Variants in EPHA3 observed in about 807,000 individuals in gnomAD.
EPHA3 encodes ephrin type-A receptor 3.
EPHA3 carries 42 observed loss-of-function variants against 107.1 expected under a neutral mutation model. The observed-to-expected ratio is 0.39, with a 90% CI of 0.31 to 0.51. EPHA3 has a LOEUF of 0.51. Ranked by LOEUF, EPHA3 falls within the 20% of genes least tolerant of loss-of-function variation. The probability of loss-of-function intolerance (pLI) is 0.78; values close to 1 mark genes in which losing one functional copy is unlikely to be tolerated. For synonymous variants in EPHA3, 461 were observed against 424.8 expected, an observed-to-expected ratio of 1.09 and a Z score of -1.05; for missense variants, 1,183 against 1,211.2, an observed-to-expected ratio of 0.98 and a Z score of 0.35.
At chr3:89,262,761 C>G (rs915078531) in intron 3 of EPHA3, among the ~76,000 whole-genome samples, 1 of 152,046 alleles carries the variant, frequency 6.6e-6, no homozygotes, top group Non-Finnish European at 1.5e-5. Context: ...CTGGCTGTTT[C>G]GGTGCCTGCA....
intron 2 of EPHA3, among the ~76,000 whole-genome samples, chr3:89,166,085 G>A (rs1464176350): frequency 1.3e-5 from 2 of 152,072 alleles, no homozygotes; most frequent in African/African-American, 4.8e-5. Flanking sequence ...CCAGATTCCC[G>A]GCTCTTCACT....
At chr3:89,398,259 T>C (rs1252817380) in intron 6 of EPHA3, among the ~76,000 whole-genome samples, 1 of 152,198 alleles carries the variant, frequency 6.6e-6, no homozygotes, top group African/African-American at 2.4e-5. Flanking sequence ...AGGGACATTG[T>C]ACCATTGCTT....
Position 89,481,898 on chromosome 3 carries a change from C to T in EPHA3, c.*2396C>T, listed in dbSNP as rs189642147. ...TGTTTTGTATCTTAAATTTGATTTACATATATTATTTATTTCTGGTAACTC... is the reference window on the plus strand; with the variant it reads ...TGTTTTGTATCTTAAATTTGATTTATATATATTATTTATTTCTGGTAACTC... On this transcript the variant is annotated 3_prime_UTR_variant, in exon 17 of 17. Transcript: ENST00000336596. 8.7e-6 allele frequency: 2 copies of T among 228,808 alleles called. No homozygotes were observed. The highest frequency in any genetic ancestry group is 1.7e-5 in the Non-Finnish European group (2 of 115,032). 14.2% of individuals were successfully genotyped at this position (228,808 alleles called of 1,614,324 possible).
intron 3 of EPHA3, among the ~76,000 whole-genome samples, chr3:89,322,187 C>T (rs936327688): frequency 2.0e-5 from 3 of 151,800 alleles, no homozygotes; most frequent in Non-Finnish European, 1.5e-5. Context: ...AGAGAGTTTC[C>T]TATTTGGCAC....
chr3:89,148,252 A>G (rs1156978847), intron 2 of EPHA3, among the ~76,000 whole-genome samples: 1 of 151,978 alleles, frequency 6.6e-6, no homozygotes, highest in Admixed American at 6.6e-5. Context: ...ACTTAATACC[A>G]GGGTCATTAT....
intron 3 of EPHA3, among the ~76,000 whole-genome samples, chr3:89,275,025 T>C (rs147989823): frequency 6.6e-6 from 1 of 152,186 alleles, no homozygotes; most frequent in East Asian, 1.9e-4. Flanking sequence ...TTCAGAACTT[T>C]GCTAATGATG....
intron 3 of EPHA3, among the ~76,000 whole-genome samples, chr3:89,231,339 C>T (rs1168381834): frequency 2.0e-5 from 3 of 152,088 alleles, no homozygotes; most frequent in African/African-American, 7.2e-5. Flanking sequence ...TGTTTGAATA[C>T]ACATCTAAAT....
intron 2 of EPHA3, among the ~76,000 whole-genome samples, chr3:89,205,491 G>A (rs928500992): frequency 8.5e-5 from 13 of 152,204 alleles, no homozygotes; most frequent in African/African-American, 2.9e-4. Context: ...CTGTCCAGTG[G>A]GAGAAAGTTT....
intron 5 of EPHA3, among the ~76,000 whole-genome samples, chr3:89,386,156 C>G (rs1404848869): frequency 6.6e-6 from 1 of 152,052 alleles, no homozygotes; most frequent in Non-Finnish European, 1.5e-5. Flanking sequence ...AAGAAAAACT[C>G]ATTTTGGTGG....
At chr3:89,407,913 G>C (rs1310412766) in intron 8 of EPHA3, among the ~76,000 whole-genome samples, 154 bp from the exon 9 acceptor site, 1 of 152,134 alleles carries the variant, frequency 6.6e-6, no homozygotes, top group African/African-American at 2.4e-5. Flanking sequence ...GCTTTCTTCA[G>C]AGGATTTTGA....
At chr3:89,428,802 G>T (rs1709505524) in intron 11 of EPHA3, among the ~76,000 whole-genome samples, 1 of 152,046 alleles carries the variant, frequency 6.6e-6, no homozygotes, top group African/African-American at 2.4e-5. Flanking sequence ...TTGAAGATAA[G>T]TGAGAATTTA....
At chr3:89,261,652 A>G (rs1705419711) in intron 3 of EPHA3, among the ~76,000 whole-genome samples, 1 of 152,098 alleles carries the variant, frequency 6.6e-6, no homozygotes, top group South Asian at 2.1e-4. Context: ...TAATTTCTGG[A>G]TGCTATTAGA....
rs534007826 is a variant in EPHA3 at position 89,201,746 on chromosome 3, T to A, written c.154-8114T>A. 1.8e-4 allele frequency among the ~76,000 whole-genome samples: 28 copies of A among 152,340 alleles called. No individual in the cohort carries two copies. In the South Asian group the frequency reaches 5.8e-3, roughly 32 times the overall value. ...GAGTGTTTATTTAGAAATTTGGTGA[T>A]GTTTTCATAACCAGAAATATGCCAT... On this transcript the variant is annotated intron_variant, in intron 2 of 16. Transcript: ENST00000336596.
chr3:89,447,015 A>G (rs917042329), intron 13 of EPHA3, among the ~76,000 whole-genome samples: 2 of 152,174 alleles, frequency 1.3e-5, no homozygotes, highest in African/African-American at 4.8e-5. Flanking sequence ...AGTAGGCCCA[A>G]TGATTCCATT....
chr3:89,192,759 C>T (rs914359503), intron 2 of EPHA3, among the ~76,000 whole-genome samples: 6 of 151,904 alleles, frequency 3.9e-5, no homozygotes, highest in African/African-American at 1.2e-4. Flanking sequence ...TTTTAGGTGT[C>T]ATAAAGCTCT....
intron 5 of EPHA3, among the ~76,000 whole-genome samples, chr3:89,366,424 T>C (rs1708185245): frequency 6.6e-6 from 1 of 150,728 alleles, no homozygotes; most frequent in East Asian, 1.9e-4. Context: ...TAAGATAATA[T>C]ACAGCATTTT....
At chr3:89,241,376 T>C in intron 3 of EPHA3, among the ~76,000 whole-genome samples, 1 of 152,206 alleles carries the variant, frequency 6.6e-6, no homozygotes, top group East Asian at 1.9e-4. Context: ...ACTGACTGAA[T>C]GCATTCAGCT....
At chr3:89,414,528 T>A (rs1179005548) in intron 10 of EPHA3, among the ~76,000 whole-genome samples, 1 of 151,638 alleles carries the variant, frequency 6.6e-6, no homozygotes, top group Non-Finnish European at 1.5e-5. Context: ...GCAGAAGGGT[T>A]TAGTCTGGCT....
At position 89,238,204 on chromosome 3, in the gene EPHA3, A is replaced by G. The variant is rs781150532; in HGVS notation, c.814+27684A>G. On this transcript the variant is annotated intron_variant, in intron 3 of 16. Transcript: ENST00000336596. ...TTTTCTCAAACATTAAGAAAAGTAT[A>G]TTTTTAAGGGGAGGTAATTACGCAG... Among the ~76,000 whole-genome samples, 112 of 152,252 alleles carry G rather than the reference A, an allele frequency of 7.4e-4. 2 individuals carry two copies. Among genetic ancestry groups the G allele is most frequent in the Non-Finnish European group, 6.6e-4 (45 of 68,012 alleles).
Sources: allele counts gnomAD v4.1 joint callset (sites outside exome capture counted in the v4.1 genomes callset), GRCh38; gene constraint gnomAD v4.1.1; transcripts MANE v1.5; gene names NCBI Gene and HGNC (gene_info 2026-07-23, HGNC 2026-07-21).